Variants in MORN1 observed in about 807,000 individuals in gnomAD.
The protein encoded by MORN1 is MORN repeat-containing protein 1.
MORN1 carries 67 observed loss-of-function variants against 61.9 expected under a neutral mutation model. That is an observed-to-expected ratio of 1.08 (90% CI 0.89 to 1.33). MORN1 has a LOEUF of 1.33. MORN1 is among the 40% of genes most tolerant of loss of function. The pLI, the probability that MORN1 is intolerant of heterozygous loss-of-function variation, is 0.00. For synonymous variants in MORN1, 301 were observed against 292.0 expected, an observed-to-expected ratio of 1.03 and a Z score of -0.31; for missense variants, 752 against 691.2, an observed-to-expected ratio of 1.09 and a Z score of -0.99.
chr1:2,370,932 A>G (rs375015901), intron 8 of MORN1, among the ~76,000 whole-genome samples: 88 of 151,820 alleles, frequency 5.8e-4, no homozygotes, highest in African/African-American at 2.0e-3. Context: ...TTGGCCGGGC[A>G]CGGTGGCTCA....
intron 13 of MORN1, chr1:2,322,820 A>G (rs1219616100): frequency 1.0e-6 from 1 of 985,254 alleles, no homozygotes; most frequent in East Asian, 1.1e-4. Context: ...CACAGGCCCC[A>G]TCTGACCCCA....
chr1:2,346,258 G>A (rs954771053), intron 10 of MORN1, among the ~76,000 whole-genome samples: 9 of 152,228 alleles, frequency 5.9e-5, no homozygotes, highest in Non-Finnish European at 1.2e-4. Flanking sequence ...CAGGGTGCCC[G>A]CAGTCAGGGA....
chr1:2,385,796 C>T lies in MORN1; in HGVS notation c.449+11G>A, dbSNP rs548966204. On this transcript the variant is annotated intron_variant, in intron 5 of 13. Transcript: ENST00000378531. The stretch of plus-strand genomic sequence containing the variant: ...CATGCGCCAGGCAGTACCCACAAGA[C>T]TCATACTCACTGAAAGAGCATCTGC... The T allele has an allele frequency of 6.2e-7, 1 of 1,612,476 alleles. No homozygotes were observed. The highest frequency in any genetic ancestry group is 1.1e-5 in the South Asian group (1 of 91,050).
chr1:2,389,327 G>A (rs964805302), intron 2 of MORN1, among the ~76,000 whole-genome samples: 2 of 152,202 alleles, frequency 1.3e-5, no homozygotes, highest in African/African-American at 4.8e-5. Flanking sequence ...GGAGTGCAGT[G>A]GCACAATCTC....
Position 2,324,109 on chromosome 1 carries a change from C to T in MORN1, c.1285G>A (p.Ala429Thr), listed in dbSNP as rs781398336. ...EGRATEEQAA[A>T]AHLGEYVLMI... ...CCTGTCCACCTACCTAGGTGTGCTG[C>T]CGCAGCCTGCTCCTCCGTGGCTCTC... The change falls in exon 13 of 14, where the codon GCA (alanine) becomes ACA (threonine). Residue 429 changes from alanine to threonine, a missense_variant. Transcript: ENST00000378531. 10 of 1,600,456 alleles carry T rather than the reference C, an allele frequency of 6.2e-6. No individual in the cohort carries two copies. The Admixed American group carries it at 1.7e-4, about 28-fold the overall frequency.
chr1:2,345,906 G>T (rs1015969214), intron 10 of MORN1, among the ~76,000 whole-genome samples: 1 of 151,972 alleles, frequency 6.6e-6, no homozygotes, highest in African/African-American at 2.4e-5. Flanking sequence ...CACGCCCCAG[G>T]CCCATGGGTT....
chr1:2,379,001 G>A (rs552390211), intron 6 of MORN1: 1 of 470,886 alleles, frequency 2.1e-6, no homozygotes, highest in Non-Finnish European at 4.4e-6. Context: ...TTTATTTTCA[G>A]GAATGCATTT....
intron 10 of MORN1, among the ~76,000 whole-genome samples, chr1:2,347,566 A>T (rs1471417839): frequency 6.6e-6 from 1 of 152,028 alleles, no homozygotes; most frequent in Non-Finnish European, 1.5e-5. Flanking sequence ...ATTGCTGGAC[A>T]GGCCCCAGAT....
intron 6 of MORN1, chr1:2,379,304 C>T (rs1642319141): frequency 2.6e-6 from 1 of 380,068 alleles, no homozygotes; most frequent in South Asian, 2.0e-5. Context: ...AAAGGACTTA[C>T]CACTTTCTAG....
intron 8 of MORN1, among the ~76,000 whole-genome samples, chr1:2,366,887 TA>T (rs1349046511): frequency 6.6e-6 from 1 of 151,718 alleles, no homozygotes; most frequent in Non-Finnish European, 1.5e-5. Context: ...CAATAACTGA[TA>T]AAACAAGCAG....
chr1:2,385,353 G>T, intron 5 of MORN1: 1 of 509,094 alleles, frequency 2.0e-6, no homozygotes. Flanking sequence ...AACGGGAGGG[G>T]GCTGCAGTCT....
intron 12 of MORN1, among the ~76,000 whole-genome samples, chr1:2,328,234 A>G (rs914817636): frequency 3.9e-5 from 6 of 152,246 alleles, no homozygotes; most frequent in Non-Finnish European, 7.3e-5. Flanking sequence ...GCTGGGCCTG[A>G]GGCCAGTTTG....
chr1:2,323,023 C>T (rs1007490414), intron 13 of MORN1: 42 of 985,356 alleles, frequency 4.3e-5, no homozygotes, highest in Admixed American at 1.2e-4. Flanking sequence ...CGCTCCTCAC[C>T]CCCAGGGCTG....
intron 12 of MORN1, chr1:2,326,788 C>T (rs1273047958): frequency 6.6e-6 from 1 of 152,402 alleles, no homozygotes; most frequent in East Asian, 1.9e-4. Flanking sequence ...ACACATCCTG[C>T]TCCCTCCTGA....
chr1:2,382,155 A>G (rs1341155849), intron 6 of MORN1, among the ~76,000 whole-genome samples: 1 of 152,200 alleles, frequency 6.6e-6, no homozygotes, highest in East Asian at 1.9e-4. Flanking sequence ...CTGGAAGAAC[A>G]GGAGCTGCTT....
chr1:2,334,771 GCC>G lies in MORN1; in HGVS notation c.1250+1696_1250+1697del, dbSNP rs763600390. Among the ~76,000 whole-genome samples the G allele has an allele frequency of 1.1e-4, 16 of 152,256 alleles. No individual in the cohort carries two copies. Among genetic ancestry groups the G allele is most frequent in the Non-Finnish European group, 2.2e-4 (15 of 68,048 alleles). ...ACAGTGCGAGCCCTTTGGCTGGGAG[GCC>G]CAGGCTGGGAGCAGACGCCGACCCC... On this transcript the variant is annotated intron_variant, in intron 12 of 13. Coordinates refer to ENST00000378531, the MANE Select transcript of MORN1 (RefSeq NM_024848.3). This position sits in a 1 kb window ranked among gnomAD's most constrained non-coding sequence, Gnocchi z 5.4.
intron 8 of MORN1, among the ~76,000 whole-genome samples, chr1:2,370,719 A>C (rs890555959): frequency 6.8e-6 from 1 of 146,744 alleles, no homozygotes; most frequent in Non-Finnish European, 1.5e-5. Context: ...TCTGTCACCC[A>C]GGCTAGAGTG....
chr1:2,335,963 T>C (rs914541695), intron 12 of MORN1, among the ~76,000 whole-genome samples: 32 of 152,274 alleles, frequency 2.1e-4, no homozygotes, highest in African/African-American at 7.7e-4. Context: ...CGGCCCTGCA[T>C]GTGCTGTGCC....
At chr1:2,336,642 G>C (rs763726852) in intron 11 of MORN1, 75 bp downstream of exon 11, 19 of 1,574,346 alleles carry the variant, frequency 1.2e-5, no homozygotes, top group Non-Finnish European at 1.6e-5. Context: ...ACATGGCCTG[G>C]GTGTTGAGGT....
Sources: gnomAD v4.1 joint callset for allele counts (sites outside exome capture counted in the v4.1 genomes callset) on GRCh38, gnomAD v4.1.1 for gene constraint, Gnocchi (gnomAD v3.1) non-coding constraint, MANE v1.5 for transcripts, NCBI Gene and HGNC (gene_info 2026-07-23, HGNC 2026-07-21) for gene names.